CCDC141: variants seen among roughly 807,000 people sequenced by gnomAD.
CCDC141 encodes the protein coiled-coil domain containing 141, also known as coiled-coil domain-containing protein 141.
CCDC141 carries 168 observed loss-of-function variants against 181.0 expected under a neutral mutation model. That is an observed-to-expected ratio of 0.93 (90% CI 0.82 to 1.05). The LOEUF is 1.05. Among genes scored for constraint, CCDC141 ranks in the 50% least tolerant of loss-of-function variants. The pLI is 0.00. For missense variants in CCDC141, 1,902 were observed against 1,788.5 expected, an observed-to-expected ratio of 1.06 and a Z score of -1.14; for synonymous variants, 666 against 642.3, an observed-to-expected ratio of 1.04 and a Z score of -0.56.
intron 6 of CCDC141, among the ~76,000 whole-genome samples, chr2:178,926,336 A>G (rs1303935589): frequency 6.6e-6 from 1 of 152,212 alleles, no homozygotes; most frequent in Non-Finnish European, 1.5e-5. Context: ...TAGATTCTAT[A>G]AAAATAGTAG....
chr2:178,937,259 T>C (rs1030571145), intron 6 of CCDC141, among the ~76,000 whole-genome samples: 5 of 152,134 alleles, frequency 3.3e-5, no homozygotes, highest in Non-Finnish European at 5.9e-5. Context: ...TTTGGAGGTA[T>C]GTTCCTTCAG....
intron 12 of CCDC141, 113 bp downstream of exon 12, chr2:178,877,851 G>T: frequency 1.0e-6 from 1 of 1,002,254 alleles, no homozygotes; most frequent in South Asian, 1.3e-5. Context: ...AAGCTAAAGA[G>T]AACTCCCTAG....
At chr2:178,984,222 A>C (rs1036614991) in intron 2 of CCDC141, among the ~76,000 whole-genome samples, 7 of 150,104 alleles carry the variant, frequency 4.7e-5, no homozygotes, top group Non-Finnish European at 1.0e-4. Flanking sequence ...ACTAAGCTTC[A>C]TAAGTGAAGG....
intron 5 of CCDC141, among the ~76,000 whole-genome samples, chr2:178,959,179 A>G (rs1690288599): frequency 6.6e-6 from 1 of 152,076 alleles, no homozygotes; most frequent in African/African-American, 2.4e-5. Context: ...GCATTAGGAG[A>G]TATACCTAAT....
At chr2:179,043,764 A>G (rs1357757568) in intron 2 of CCDC141, among the ~76,000 whole-genome samples, 2 of 152,240 alleles carry the variant, frequency 1.3e-5, no homozygotes, top group Non-Finnish European at 2.9e-5. Context: ...GTATACCAGC[A>G]CAAGACAAGG....
chr2:178,981,915 G>C (rs1052283038), intron 2 of CCDC141, among the ~76,000 whole-genome samples: 2 of 150,806 alleles, frequency 1.3e-5, no homozygotes, highest in Non-Finnish European at 1.5e-5. Flanking sequence ...AAGAAAGAAA[G>C]AAAGAGAAAA....
intron 14 of CCDC141, among the ~76,000 whole-genome samples, chr2:178,870,758 C>T (rs1686081527): frequency 1.3e-5 from 2 of 152,164 alleles, no homozygotes; most frequent in Non-Finnish European, 2.9e-5. Flanking sequence ...GCTAGAAACA[C>T]AGGTATCTAA....
intron 8 of CCDC141, among the ~76,000 whole-genome samples, chr2:178,895,692 T>C (rs1028410244): frequency 1.4e-4 from 21 of 152,128 alleles, no homozygotes; most frequent in African/African-American, 4.8e-4. Context: ...AGTGGCTGGG[T>C]TGACTGTCAT....
chr2:178,995,283 C>G (rs1402960839), intron 2 of CCDC141, among the ~76,000 whole-genome samples: 2 of 152,198 alleles, frequency 1.3e-5, no homozygotes, highest in Non-Finnish European at 2.9e-5. Flanking sequence ...CAAGGAGGAC[C>G]AAGTCACATC....
At chr2:178,960,383 T>C (rs753361538) in intron 5 of CCDC141, among the ~76,000 whole-genome samples, 9 of 152,218 alleles carry the variant, frequency 5.9e-5, no homozygotes, top group Non-Finnish European at 1.3e-4. Flanking sequence ...TCCAGCTATA[T>C]GAATGTCTCT....
chr2:178,839,365 A>G (rs959843784), intron 22 of CCDC141, among the ~76,000 whole-genome samples: 1 of 150,692 alleles, frequency 6.6e-6, no homozygotes, highest in Non-Finnish European at 1.5e-5. Flanking sequence ...GTGAGCCAAT[A>G]TTGCACCACT....
At chr2:178,910,504 TAG>T (rs1688175032) in intron 7 of CCDC141, among the ~76,000 whole-genome samples, 1 of 152,174 alleles carries the variant, frequency 6.6e-6, no homozygotes, top group South Asian at 2.1e-4. Flanking sequence ...CCATTACCTG[TAG>T]AGATTCAGAT....
intron 6 of CCDC141, among the ~76,000 whole-genome samples, chr2:178,928,632 C>T (rs1372096006): frequency 6.6e-6 from 1 of 152,126 alleles, no homozygotes; most frequent in African/African-American, 2.4e-5. Flanking sequence ...TTAAACTTAA[C>T]GAGCTGGTAA....
intron 4 of CCDC141, 104 bp downstream of exon 4, chr2:178,974,953 C>T (rs1691053133): frequency 3.8e-6 from 2 of 526,722 alleles, no homozygotes. Flanking sequence ...CTGAGGTAAA[C>T]ATAAATAGAT....
Position 178,981,657 on chromosome 2 carries a change from T to TATATATATATATATATATATATATAC in CCDC141, c.226-2983_226-2982insGTATATATATATATATATATATATAT, listed in dbSNP as rs1553495348. Among the ~76,000 whole-genome samples, 36 of 132,026 alleles carry TATATATATATATATATATATATATAC rather than the reference T, an allele frequency of 2.7e-4. 1 individual carries two copies. The highest frequency in any genetic ancestry group is 8.6e-4 in the African/African-American group (30 of 35,062). The allele number at this position is 132,026 out of a possible 152,430, so 86.6% of individuals were successfully genotyped here. A position where few individuals can be genotyped will look rare whatever the true frequency, so the allele number is the denominator to read the frequency against. ...GTGTGTATATATATATATATATATA[T>TATATATATATATATATATATATATAC]ACATACATATATACATATATATATA... is the stretch of plus-strand genomic sequence containing the variant. On this transcript the variant is annotated intron_variant, in intron 2 of 23. Coordinates refer to ENST00000443758, the MANE Select transcript of CCDC141 (RefSeq NM_173648.4).
At chr2:178,858,316 T>C (rs1685469462) in intron 17 of CCDC141, among the ~76,000 whole-genome samples, 1 of 152,144 alleles carries the variant, frequency 6.6e-6, no homozygotes, top group African/African-American at 2.4e-5. Context: ...TTAATGTGCG[T>C]ATGTTTGGTT....
intron 5 of CCDC141, among the ~76,000 whole-genome samples, chr2:178,945,441 G>A (rs2154377357): frequency 6.6e-6 from 1 of 152,222 alleles, no homozygotes; most frequent in East Asian, 1.9e-4. Flanking sequence ...TAACAGTCAT[G>A]ATATCATCAT....
chr2:178,965,799 G>C, intron 4 of CCDC141, among the ~76,000 whole-genome samples: 1 of 152,276 alleles, frequency 6.6e-6, no homozygotes, highest in Middle Eastern at 3.4e-3. Context: ...GGGTGCTAAA[G>C]CCAGGGAGCC....
intron 2 of CCDC141, among the ~76,000 whole-genome samples, chr2:179,037,916 AG>A (rs1252631307): frequency 6.6e-6 from 1 of 152,226 alleles, no homozygotes; most frequent in Non-Finnish European, 1.5e-5. Flanking sequence ...TGGGAACAAA[AG>A]TTGATGCAGT....
Sources: gnomAD v4.1 joint callset for allele counts (sites outside exome capture counted in the v4.1 genomes callset) on GRCh38, gnomAD v4.1.1 for gene constraint, MANE v1.5 for transcripts, NCBI Gene and HGNC (gene_info 2026-07-23, HGNC 2026-07-21) for gene names.